NRXN3: variants seen among roughly 807,000 people sequenced by gnomAD.
The protein encoded by NRXN3 is neurexin III.
A neutral mutation model predicts 137.6 loss-of-function variants in NRXN3; 32 were observed. That is an observed-to-expected ratio of 0.23 (90% CI 0.18 to 0.31). The LOEUF is 0.31. NRXN3 is among the 10% of genes least tolerant of loss of function. The probability of loss-of-function intolerance (pLI) is 1.00; values close to 1 mark genes in which losing one functional copy is unlikely to be tolerated. For synonymous variants in NRXN3, 798 were observed against 784.5 expected (o/e 1.02, Z -0.29); for missense variants, 1,574 against 2,062.5 (o/e 0.76, Z 4.59).
At chr14:79,630,131 T>C (rs2098329580) in intron 16 of NRXN3, among the ~76,000 whole-genome samples, 1 of 152,182 alleles carries the variant, frequency 6.6e-6, no homozygotes, top group Non-Finnish European at 1.5e-5. Context: ...AAGATTAACT[T>C]TTCTGTCCAC....
At chr14:79,758,058 T>A in intron 19 of NRXN3, among the ~76,000 whole-genome samples, 1 of 152,184 alleles carries the variant, frequency 6.6e-6, no homozygotes, top group East Asian at 1.9e-4. Flanking sequence ...AGTTTTTTTG[T>A]TTATTTTTGT....
rs187658185 is a variant in NRXN3, at chr14:79,431,192, T to C, written c.3263-36029T>C. On this transcript the variant is annotated intron_variant, in intron 15 of 20. Transcript: ENST00000335750. Reference sequence around the variant, plus strand: ...AAACAAAAGAACTGAGATACCTATCTAAGAATGGCAAGTCTGAGAAGCAAA... The same window carrying C: ...AAACAAAAGAACTGAGATACCTATCCAAGAATGGCAAGTCTGAGAAGCAAA... 7.9e-5 allele frequency among the ~76,000 whole-genome samples: 12 copies of C among 152,266 alleles called. No homozygotes were observed. In the East Asian group the frequency reaches 2.3e-3, roughly 29 times the overall value.
intron 15 of NRXN3, among the ~76,000 whole-genome samples, chr14:79,391,283 T>C (rs1172975705): frequency 6.6e-6 from 1 of 152,188 alleles, no homozygotes; most frequent in Non-Finnish European, 1.5e-5. Flanking sequence ...TAGGATTCAT[T>C]TTGAGAGGCA....
In NRXN3 at chr14:78,363,837, A is replaced by G. The variant is rs557756142; in HGVS notation, c.757+65977A>G. The stretch of plus-strand genomic sequence containing the variant: ...TAAGCTGCCCTCATGATTTTCCTGG[A>G]GGATAAAATGCTCATCAGATAAAAT... On this transcript the variant is annotated intron_variant, in intron 4 of 20. Transcript: ENST00000335750. 2.0e-5 allele frequency among the ~76,000 whole-genome samples: 3 copies of G among 152,262 alleles called. No homozygotes were observed. The South Asian group carries it at 6.2e-4, about 32-fold the overall frequency.
chr14:79,527,785 C>T lies in NRXN3; in HGVS notation c.3444+60383C>T, dbSNP rs574528163. 9.4e-5 allele frequency among the ~76,000 whole-genome samples: 14 copies of T among 149,470 alleles called. No homozygotes were observed. The East Asian group carries it at 2.6e-3, about 28-fold the overall frequency. ...ACTTGGGAGGTTGAGGCAGGAGAAT[C>T]GCTTCAACCCGGGAGGCAGAGGTTG... is the stretch of plus-strand genomic sequence containing the variant. On this transcript the variant is annotated intron_variant, in intron 16 of 20. Coordinates refer to ENST00000335750, the MANE Select transcript of NRXN3 (RefSeq NM_001330195.2).
At chr14:78,492,049 T>G (rs533279444) in intron 4 of NRXN3, among the ~76,000 whole-genome samples, 2 of 152,184 alleles carry the variant, frequency 1.3e-5, no homozygotes, top group Non-Finnish European at 2.9e-5. Flanking sequence ...TTAGCCTCTG[T>G]TTCCTCATGA....
intron 4 of NRXN3, among the ~76,000 whole-genome samples, chr14:78,460,383 A>C (rs2094888393): frequency 6.6e-6 from 1 of 152,240 alleles, no homozygotes; most frequent in African/African-American, 2.4e-5. Context: ...GAAAGTTCCA[A>C]ACCTCTAATC....
chr14:78,594,225 T>G (rs1433178283), intron 4 of NRXN3, among the ~76,000 whole-genome samples: 1 of 152,156 alleles, frequency 6.6e-6, no homozygotes, highest in Non-Finnish European at 1.5e-5. Context: ...AGGGCGTGCC[T>G]CCTCGGCAAG....
In NRXN3 at chr14:79,158,232, A is replaced by C. The variant is rs535556609; in HGVS notation, c.3262+170091A>C. On this transcript the variant is annotated intron_variant, in intron 15 of 20. Coordinates refer to ENST00000335750, the MANE Select transcript of NRXN3 (RefSeq NM_001330195.2). ...TAAAATCAAAACCAATGTTCACCTT[A>C]GGTTGTGTAGAAAAGTCTCTGCTAA... 2.8e-4 allele frequency among the ~76,000 whole-genome samples: 43 copies of C among 151,916 alleles called. No homozygotes were observed. The South Asian group carries it at 8.5e-3, about 30-fold the overall frequency.
chr14:79,165,259 C>T (rs984727982), intron 15 of NRXN3, among the ~76,000 whole-genome samples: 1 of 151,920 alleles, frequency 6.6e-6, no homozygotes, highest in African/African-American at 2.4e-5. Context: ...CCTGAAATAG[C>T]ATAATAATTA....
intron 4 of NRXN3, among the ~76,000 whole-genome samples, chr14:78,578,671 A>C (rs1420732108): frequency 6.6e-6 from 1 of 152,216 alleles, no homozygotes; most frequent in Non-Finnish European, 1.5e-5. Context: ...AGAACACCAA[A>C]AAGATGTTAG....
intron 17 of NRXN3, among the ~76,000 whole-genome samples, chr14:79,680,284 G>C (rs1390701605): frequency 6.6e-6 from 1 of 152,078 alleles, no homozygotes; most frequent in Non-Finnish European, 1.5e-5. Context: ...CTGAGGCAGG[G>C]GAAGGCGGGA....
intron 1 of NRXN3, among the ~76,000 whole-genome samples, chr14:78,222,084 G>A (rs566006065): frequency 1.3e-5 from 2 of 152,302 alleles, no homozygotes; most frequent in Admixed American, 6.5e-5. Flanking sequence ...AAAGGATACT[G>A]TCTACTCTGC....
chr14:79,612,032 G>A (rs1359321307), intron 16 of NRXN3, among the ~76,000 whole-genome samples: 3 of 152,016 alleles, frequency 2.0e-5, no homozygotes, highest in Admixed American at 6.6e-5. Flanking sequence ...AATATGCTAT[G>A]GTAATAAGAC....
chr14:79,810,906 G>A (rs1205250147), intron 20 of NRXN3, among the ~76,000 whole-genome samples: 2 of 152,210 alleles, frequency 1.3e-5, no homozygotes, highest in Admixed American at 6.5e-5. Context: ...TAAATGTGCT[G>A]ATTGTTGGCC....
At chr14:78,285,943 T>C (rs2153511752) in intron 3 of NRXN3, among the ~76,000 whole-genome samples, 1 of 152,252 alleles carries the variant, frequency 6.6e-6, no homozygotes, top group East Asian at 1.9e-4. Flanking sequence ...CCCCCCTGGC[T>C]CCTGTAGCTG....
chr14:79,242,510 G>A (rs2074466141), intron 15 of NRXN3, among the ~76,000 whole-genome samples: 1 of 152,146 alleles, frequency 6.6e-6, no homozygotes, highest in Non-Finnish European at 1.5e-5. Context: ...TACCCTCTGG[G>A]TTCCATTAGT....
At chr14:78,187,118 C>T (rs1000457078) in intron 1 of NRXN3, among the ~76,000 whole-genome samples, 2 of 152,122 alleles carry the variant, frequency 1.3e-5, no homozygotes, top group African/African-American at 4.8e-5. Flanking sequence ...CTGTTCAGAT[C>T]GTCATGAAGC....
At chr14:78,292,547 T>C (rs543655288) in intron 3 of NRXN3, among the ~76,000 whole-genome samples, 2 of 152,284 alleles carry the variant, frequency 1.3e-5, no homozygotes, top group African/African-American at 4.8e-5. Context: ...GAGTAGCACT[T>C]TTTCAGGGTG....
Sources: allele counts gnomAD v4.1 joint callset (sites outside exome capture counted in the v4.1 genomes callset), GRCh38; gene constraint gnomAD v4.1.1; transcripts MANE v1.5; gene names NCBI Gene and HGNC (gene_info 2026-07-23, HGNC 2026-07-21).